Variants in CLYBL observed in about 807,000 individuals in gnomAD.
The protein encoded by CLYBL is citramalyl-CoA lyase, mitochondrial.
In CLYBL, 31 loss-of-function variants were observed where a neutral mutation model predicts 38.9. The observed-to-expected ratio is 0.80, with a 90% CI of 0.60 to 1.08. The LOEUF (loss-of-function observed/expected upper bound fraction) is 1.08. Among genes scored for constraint, CLYBL ranks in the 50% least tolerant of loss-of-function variants. The probability of loss-of-function intolerance (pLI) is 0.00; values close to 1 mark genes in which losing one functional copy is unlikely to be tolerated. For synonymous variants in CLYBL, 171 were observed against 158.6 expected, an observed-to-expected ratio of 1.08 and a Z score of -0.59; for missense variants, 434 against 411.6, an observed-to-expected ratio of 1.05 and a Z score of -0.47.
rs114722441 is a variant in CLYBL, at chr13:99,641,358, T to C, written c.62+34601T>C. ...CCCATTATTTATTATACCAAAAAAA[T>C]CACTTTATTTCTTAAAAATAGTACA... On this transcript the variant is annotated intron_variant, in intron 1 of 8. Transcript: ENST00000339105. Among the ~76,000 whole-genome samples, 832 of 152,288 alleles carry C rather than the reference T, an allele frequency of 5.5e-3. 7 individuals carry two copies. Among genetic ancestry groups the C allele is most frequent in the African/African-American group, 0.02 (811 of 41,562 alleles).
intron 1 of CLYBL, among the ~76,000 whole-genome samples, chr13:99,689,067 C>G (rs2047860918): frequency 6.6e-6 from 1 of 152,192 alleles, no homozygotes; most frequent in Admixed American, 6.5e-5. Context: ...ATCACCCCTC[C>G]TGTCCTTAGT....
chr13:99,671,268 C>T (rs1455848397), intron 1 of CLYBL, among the ~76,000 whole-genome samples: 1 of 152,214 alleles, frequency 6.6e-6, no homozygotes, highest in Admixed American at 6.5e-5. Flanking sequence ...GCATTTATCA[C>T]AGTCTGTCAA....
intron 1 of CLYBL, among the ~76,000 whole-genome samples, chr13:99,692,884 C>T (rs2047928501): frequency 6.6e-6 from 1 of 152,022 alleles, no homozygotes; most frequent in African/African-American, 2.4e-5. Flanking sequence ...AAGGTTTGTC[C>T]ATGTTGTAGC....
At chr13:99,681,868 G>C (rs2047739847) in intron 1 of CLYBL, among the ~76,000 whole-genome samples, 1 of 151,966 alleles carries the variant, frequency 6.6e-6, no homozygotes, top group South Asian at 2.1e-4. Flanking sequence ...TTACAGGTGT[G>C]AGCCACCACT....
intron 1 of CLYBL, among the ~76,000 whole-genome samples, chr13:99,629,517 T>C (rs1555345819): frequency 1.3e-5 from 2 of 152,168 alleles, no homozygotes; most frequent in Non-Finnish European, 2.9e-5. Flanking sequence ...CTGGGTCATA[T>C]GGTATCGAGA....
intron 1 of CLYBL, among the ~76,000 whole-genome samples, chr13:99,692,257 C>T (rs1271636210): frequency 6.6e-6 from 1 of 151,438 alleles, no homozygotes; most frequent in Non-Finnish European, 1.5e-5. Context: ...CATAGTTCAG[C>T]TCTCATAAAG....
At chr13:99,884,827 A>T (rs2052305839) in intron 7 of CLYBL, 4 of 387,912 alleles carry the variant, frequency 1.0e-5, no homozygotes, top group Non-Finnish European at 2.1e-5. Flanking sequence ...ATGAAGCCTC[A>T]CTGCACATTC....
chr13:99,607,718 G>A (rs1030896419), intron 1 of CLYBL, among the ~76,000 whole-genome samples: 30 of 152,282 alleles, frequency 2.0e-4, no homozygotes, highest in African/African-American at 7.2e-4. Flanking sequence ...CTAAGTGTAT[G>A]GCTCCTGGTC....
At chr13:99,850,272 T>G (rs1041851744) in intron 2 of CLYBL, among the ~76,000 whole-genome samples, 1 of 152,174 alleles carries the variant, frequency 6.6e-6, no homozygotes, top group Admixed American at 6.5e-5. Flanking sequence ...ATCCAGAATA[T>G]CTAAAGAACT....
chr13:99,783,792 G>A (rs961025461), intron 2 of CLYBL: 2 of 151,598 alleles, frequency 1.3e-5, no homozygotes, highest in African/African-American at 4.9e-5. Flanking sequence ...TAAACTTTGG[G>A]ACACTTATTT....
intron 1 of CLYBL, chr13:99,690,794 T>C (rs892035757): frequency 2.6e-5 from 4 of 152,206 alleles, no homozygotes; most frequent in African/African-American, 9.7e-5. Context: ...ATCCCATCTA[T>C]TTTAAAAAAT....
At chr13:99,632,722 T>C (rs528503190) in intron 1 of CLYBL, among the ~76,000 whole-genome samples, 1 of 150,480 alleles carries the variant, frequency 6.6e-6, no homozygotes, top group Admixed American at 6.6e-5. Flanking sequence ...TCCAGCCTGG[T>C]GACAGAGTGA....
intron 6 of CLYBL, among the ~76,000 whole-genome samples, chr13:99,870,207 T>A (rs2051848353): frequency 6.6e-6 from 1 of 152,150 alleles, no homozygotes; most frequent in Admixed American, 6.5e-5. Flanking sequence ...TCTGGGTATA[T>A]TTTTGGACAG....
intron 1 of CLYBL, among the ~76,000 whole-genome samples, chr13:99,611,855 A>G (rs571543886): frequency 2.0e-5 from 3 of 152,310 alleles, no homozygotes; most frequent in Non-Finnish European, 2.9e-5. Flanking sequence ...GACTATGTCC[A>G]TTTCATCTAA....
exon 10 of CLYBL, among the ~76,000 whole-genome samples, chr13:99,908,507 T>G (rs1302812233): frequency 6.6e-6 from 1 of 152,228 alleles, no homozygotes; most frequent in Non-Finnish European, 1.5e-5. Context: ...CCATCAGCTC[T>G]GCACCAAAAA....
At chr13:99,837,024 A>AAACTT (rs1555315673) in intron 2 of CLYBL, among the ~76,000 whole-genome samples, 2 of 152,072 alleles carry the variant, frequency 1.3e-5, no homozygotes, top group African/African-American at 4.8e-5. Context: ...ATGTACCCTA[A>AAACTT]AACTTAAAGT....
chr13:99,717,964 T>C (rs1419920162), intron 1 of CLYBL, among the ~76,000 whole-genome samples: 1 of 152,192 alleles, frequency 6.6e-6, no homozygotes, highest in East Asian at 1.9e-4. Flanking sequence ...TGGAATATAG[T>C]TCACATTCTC....
At chr13:99,683,547 C>T (rs2047770014) in intron 1 of CLYBL, among the ~76,000 whole-genome samples, 1 of 151,690 alleles carries the variant, frequency 6.6e-6, no homozygotes, top group African/African-American at 2.4e-5. Context: ...AGCAAAAACA[C>T]AAACACATAC....
At chr13:99,758,180 A>G (rs1450878542) in intron 1 of CLYBL, among the ~76,000 whole-genome samples, 1 of 152,186 alleles carries the variant, frequency 6.6e-6, no homozygotes, top group African/African-American at 2.4e-5. Flanking sequence ...TCCCCAGGTG[A>G]CTATTATATT....
Sources: allele counts gnomAD v4.1 joint callset (sites outside exome capture counted in the v4.1 genomes callset), GRCh38; gene constraint gnomAD v4.1.1; transcripts MANE v1.5; gene names NCBI Gene and HGNC (gene_info 2026-07-23, HGNC 2026-07-21).